FUT8: variants seen among roughly 807,000 people sequenced by gnomAD.
The protein encoded by FUT8 is alpha-(1,6)-fucosyltransferase.
A neutral mutation model predicts 71.3 loss-of-function variants in FUT8; 29 were observed. The observed-to-expected ratio is 0.41, with a 90% CI of 0.30 to 0.55. FUT8 has a LOEUF of 0.55. FUT8 is among the 20% of genes least tolerant of loss of function. The pLI is 0.34. For synonymous variants in FUT8, 254 were observed against 239.3 expected (o/e 1.06, Z -0.57); for missense variants, 544 against 702.1 (o/e 0.77, Z 2.55).
chr14:65,704,819 G>T (rs1894478340), intron 7 of FUT8, among the ~76,000 whole-genome samples: 1 of 152,144 alleles, frequency 6.6e-6, no homozygotes, highest in Admixed American at 6.5e-5. Flanking sequence ...TGTCCTGCCT[G>T]CCTTATCCTG....
At chr14:65,379,552 A>C in the FUT8 span, among the ~76,000 whole-genome samples, 2 of 152,060 alleles carry the variant, frequency 1.3e-5, no homozygotes, top group African/African-American at 4.8e-5. Flanking sequence ...AAAAAAAAAA[A>C]GTGAGTACTA....
At chr14:65,360,573 A>G in the FUT8 span, among the ~76,000 whole-genome samples, 2 of 152,372 alleles carry the variant, frequency 1.3e-5, no homozygotes, top group South Asian at 4.1e-4. Context: ...ACAAAGTATG[A>G]GAGGAAGCAG....
chr14:65,604,063 C>T (rs1305702666), intron 3 of FUT8, among the ~76,000 whole-genome samples: 2 of 151,666 alleles, frequency 1.3e-5, no homozygotes, highest in African/African-American at 4.8e-5. Flanking sequence ...TGTAACAATC[C>T]TAAACATATA....
intron 2 of FUT8, among the ~76,000 whole-genome samples, chr14:65,518,483 G>A (rs1225600643): frequency 2.0e-5 from 3 of 152,038 alleles, no homozygotes; most frequent in African/African-American, 7.2e-5. Context: ...GCCTCTGTAA[G>A]TCACTGTAAG....
intron 6 of FUT8, among the ~76,000 whole-genome samples, chr14:65,654,553 T>G (rs1196983809): frequency 6.6e-6 from 1 of 150,802 alleles, no homozygotes. Flanking sequence ...TTCGTGCCAC[T>G]ACACTCCAGC....
At chr14:65,425,863 G>C (rs546667299) in intron 1 of FUT8, among the ~76,000 whole-genome samples, 2 of 151,864 alleles carry the variant, frequency 1.3e-5, no homozygotes, top group African/African-American at 2.4e-5. Flanking sequence ...TGTAATCCTA[G>C]GTATTTGGGA....
Position 65,561,654 on chromosome 14 carries a change from C to T in FUT8, c.91C>T (p.Arg31Ter). The part of the protein sequence containing the change: ...LLFYIGGHLV[R>*]DNDHPDHSSR... ...GTTTTATATAGGTGGTCACTTGGTA[C>T]GAGATAATGACCATCCTGATCACTC... The change falls in exon 3 of 11, where the codon CGA becomes TGA. Residue 31 changes from arginine (R) to a stop codon, truncating the protein, a stop_gained. Coordinates refer to ENST00000673929, the MANE Select transcript of FUT8 (RefSeq NM_001371533.1). LOFTEE classifies it high-confidence loss of function. 7.4e-6 allele frequency: 12 copies of T among 1,613,390 alleles called. No homozygotes were observed. The highest frequency in any genetic ancestry group is 1.0e-5 in the Non-Finnish European group (12 of 1,179,476).
intron 6 of FUT8, among the ~76,000 whole-genome samples, chr14:65,632,710 C>T (rs1890257803): frequency 6.6e-6 from 1 of 152,108 alleles, no homozygotes; most frequent in South Asian, 2.1e-4. Context: ...TGCAAAAACT[C>T]TTTAGTTTAA....
intron 3 of FUT8, among the ~76,000 whole-genome samples, chr14:65,570,723 A>G (rs186995265): frequency 6.6e-6 from 1 of 152,224 alleles, no homozygotes; most frequent in African/African-American, 2.4e-5. Context: ...GAAGAGTTTA[A>G]GTGGATTCAA....
At chr14:65,433,786 T>TTCTCTCTCTCTCTC (rs71126744) in intron 1 of FUT8, among the ~76,000 whole-genome samples, 1,551 of 144,954 alleles carry the variant, frequency 0.011, 16 homozygotes, top group Non-Finnish European at 0.015. Flanking sequence ...CTTCTGTCTC[T>TTCTCTCTCTCTCTC]TCTCTCTCTC....
intron 6 of FUT8, among the ~76,000 whole-genome samples, chr14:65,634,974 G>A (rs1022922313): frequency 1.3e-5 from 2 of 152,220 alleles, no homozygotes; most frequent in East Asian, 1.9e-4. Context: ...CATGGGATGC[G>A]TTTCCATTTG....
chr14:65,439,954 G>GTGTATGTGTGTATATATATATA, intron 1 of FUT8, among the ~76,000 whole-genome samples: 1 of 74,984 alleles, frequency 1.3e-5, no homozygotes, highest in African/African-American at 5.1e-5. Flanking sequence ...GTGTGTGTGT[G>GTGTATGTGTGTATATATATATA]TATATATATA....
At chr14:65,404,770 G>A in the FUT8 span, among the ~76,000 whole-genome samples, 1 of 152,226 alleles carries the variant, frequency 6.6e-6, no homozygotes, top group African/African-American at 2.4e-5. Flanking sequence ...GCTGCACCCG[G>A]CGCCGGCCTT....
At chr14:65,418,629 T>G (rs1023778524) in intron 1 of FUT8, among the ~76,000 whole-genome samples, 9 of 152,174 alleles carry the variant, frequency 5.9e-5, no homozygotes, top group Admixed American at 1.3e-4. Flanking sequence ...GAGAGGGAGA[T>G]AGAGAGAGGA....
rs1294158644 is a variant in FUT8 at position 65,652,408 on chromosome 14, G to A, written c.598-16835G>A. 6.6e-6 allele frequency among the ~76,000 whole-genome samples: 1 copy of A among 152,136 alleles called. No homozygotes were observed. The highest frequency in any genetic ancestry group is 2.4e-5 in the African/African-American group (1 of 41,424). On this transcript the variant is annotated intron_variant, in intron 6 of 10. Transcript: ENST00000673929. The surrounding 1 kb of genome is among the most constrained non-coding windows in gnomAD (Gnocchi z 4.0). Reference sequence around the variant, plus strand: ...TCTGATAAAAATGGAGAGCACATAAGAAAAAAACTTTTAGTGTACTTCTTC... The same window carrying A: ...TCTGATAAAAATGGAGAGCACATAAAAAAAAAACTTTTAGTGTACTTCTTC...
chr14:65,616,487 T>C, intron 5 of FUT8, 114 bp downstream of exon 5: 2 of 927,180 alleles, frequency 2.2e-6, no homozygotes, highest in Non-Finnish European at 1.6e-6. Flanking sequence ...GCACCTACAA[T>C]ATTTAAGAGG....
chr14:65,598,147 C>T (rs1049562219), intron 3 of FUT8, among the ~76,000 whole-genome samples: 2 of 152,236 alleles, frequency 1.3e-5, no homozygotes, highest in African/African-American at 4.8e-5. Flanking sequence ...GCGTGGGCAA[C>T]GGAAAGAGAC....
At chr14:65,702,270 G>A (rs775289327) in intron 7 of FUT8, among the ~76,000 whole-genome samples, 38 of 151,886 alleles carry the variant, frequency 2.5e-4, no homozygotes, top group Non-Finnish European at 5.0e-4. Flanking sequence ...GCTTGAACCC[G>A]GGAGGCGGAG....
At chr14:65,400,672 G>A in the FUT8 span, among the ~76,000 whole-genome samples, 2 of 152,128 alleles carry the variant, frequency 1.3e-5, no homozygotes, top group African/African-American at 2.4e-5. Context: ...GATTGCTTGA[G>A]CCTAGGAGTT....
Sources: gnomAD v4.1 joint callset for allele counts (sites outside exome capture counted in the v4.1 genomes callset) on GRCh38, gnomAD v4.1.1 for gene constraint, Gnocchi (gnomAD v3.1) non-coding constraint, MANE v1.5 for transcripts, NCBI Gene and HGNC (gene_info 2026-07-23, HGNC 2026-07-21) for gene names.